RGS6: variants seen among roughly 807,000 people sequenced by gnomAD.
RGS6 encodes the protein regulator of G protein signaling 6.
A neutral mutation model predicts 78.5 loss-of-function variants in RGS6; 30 were observed. That is an observed-to-expected ratio of 0.38 (90% CI 0.29 to 0.52). The LOEUF (loss-of-function observed/expected upper bound fraction) is 0.52, where lower values mean the gene tolerates loss of function less well. RGS6 is among the 20% of genes least tolerant of loss of function. The probability of loss-of-function intolerance (pLI) is 0.85; values close to 1 mark genes in which losing one functional copy is unlikely to be tolerated. For missense variants in RGS6, 495 were observed against 609.7 expected (o/e 0.81, Z 1.98); for synonymous variants, 206 against 206.0 (o/e 1.00, Z 0.00).
At chr14:71,872,539 T>C in the RGS6 span, among the ~76,000 whole-genome samples, 5 of 152,230 alleles carry the variant, frequency 3.3e-5, no homozygotes, top group African/African-American at 1.2e-4. Context: ...TTAAATCTAA[T>C]ACTCCAACTG....
the RGS6 span, among the ~76,000 whole-genome samples, chr14:71,898,365 G>C: frequency 6.6e-6 from 1 of 152,110 alleles, no homozygotes; most frequent in Non-Finnish European, 1.5e-5. Context: ...ATTGTTTGTT[G>C]GTCCTGGTGT....
intron 2 of RGS6, among the ~76,000 whole-genome samples, chr14:72,187,669 G>A (rs2097265423): frequency 6.6e-6 from 1 of 152,066 alleles, no homozygotes; most frequent in Non-Finnish European, 1.5e-5. Flanking sequence ...CACATCTCTG[G>A]CTCCAGCTCT....
At chr14:72,341,997 C>T (rs942047825) in intron 2 of RGS6, among the ~76,000 whole-genome samples, 4 of 152,124 alleles carry the variant, frequency 2.6e-5, no homozygotes, top group Admixed American at 2.6e-4. Context: ...AGGTTATTGA[C>T]CTCTCTGCCG....
intron 2 of RGS6, among the ~76,000 whole-genome samples, chr14:72,035,297 A>G (rs905141572): frequency 2.1e-5 from 1 of 48,056 alleles, no homozygotes; most frequent in African/African-American, 6.6e-5. Context: ...TATTCATAGC[A>G]ATATATTATA....
At chr14:72,614,771 G>A in the RGS6 span, among the ~76,000 whole-genome samples, 8 of 27,590 alleles carry the variant, frequency 2.9e-4, no homozygotes, top group Admixed American at 2.2e-3. Flanking sequence ...AGGATCACAA[G>A]CCTCAGAAAA....
the RGS6 span, among the ~76,000 whole-genome samples, chr14:71,876,092 G>C: frequency 1.3e-5 from 2 of 152,162 alleles, no homozygotes; most frequent in African/African-American, 4.8e-5. Context: ...GAATAAGTAC[G>C]ATGTGGTGCT....
chr14:72,011,779 G>C (rs74897976), intron 2 of RGS6, among the ~76,000 whole-genome samples: 5 of 152,066 alleles, frequency 3.3e-5, no homozygotes, highest in South Asian at 4.2e-4. Context: ...GGTATCCTCT[G>C]GGGGGGTACT....
the RGS6 span, among the ~76,000 whole-genome samples, chr14:71,883,980 C>G: frequency 7.2e-5 from 11 of 152,194 alleles, no homozygotes; most frequent in Admixed American, 4.6e-4. Context: ...GTCCAGCAGC[C>G]CAAGCTGGTG....
At chr14:72,275,148 G>A (rs2060491295) in intron 2 of RGS6, among the ~76,000 whole-genome samples, 1 of 152,028 alleles carries the variant, frequency 6.6e-6, no homozygotes, top group Admixed American at 6.5e-5. Context: ...CATTTGTCTT[G>A]TATGATAGTT....
chr14:71,936,030 A>ATATATATATATATATATG (rs1555390437), intron 1 of RGS6, among the ~76,000 whole-genome samples: 24 of 133,214 alleles, frequency 1.8e-4, no homozygotes, highest in African/African-American at 6.4e-4. Flanking sequence ...ATATATATAT[A>ATATATATATATATATATG]TATATATATA....
intron 3 of RGS6, among the ~76,000 whole-genome samples, chr14:72,392,715 G>A (rs2152953901): frequency 6.6e-6 from 1 of 152,274 alleles, no homozygotes; most frequent in East Asian, 1.9e-4. Context: ...GGGAGGGGGA[G>A]CCTCTCCAAG....
At chr14:72,130,225 G>A (rs1470664670) in intron 2 of RGS6, among the ~76,000 whole-genome samples, 1 of 152,166 alleles carries the variant, frequency 6.6e-6, no homozygotes, top group East Asian at 1.9e-4. Context: ...CTTGAGTGCA[G>A]GAACTTCTGT....
chr14:72,194,199 C>T lies in RGS6; in HGVS notation c.85-157896C>T, dbSNP rs191665399. On this transcript the variant is annotated intron_variant, in intron 2 of 17. Coordinates refer to ENST00000553525, the MANE Select transcript of RGS6 (RefSeq NM_001204424.2). The stretch of plus-strand genomic sequence containing the variant: ...AGTTCATTCACCATTGTTGCTGTAC[C>T]AGTTGTGGGCTAGGAAAGAAAGCAG... Among the ~76,000 whole-genome samples the T allele has an allele frequency of 3.9e-5, 6 of 152,088 alleles. No homozygotes were observed. The East Asian group carries it at 1.2e-3, about 29-fold the overall frequency.
chr14:72,463,727 A>C (rs1005887303), intron 6 of RGS6, among the ~76,000 whole-genome samples: 1 of 152,242 alleles, frequency 6.6e-6, no homozygotes, highest in Non-Finnish European at 1.5e-5. Context: ...GCACTGCTCA[A>C]AGGTAATCAT....
At chr14:72,077,767 A>G (rs182575193) in intron 2 of RGS6, among the ~76,000 whole-genome samples, 272 of 152,308 alleles carry the variant, frequency 1.8e-3, no homozygotes, top group African/African-American at 6.1e-3. Flanking sequence ...TTTCAAATCA[A>G]TGTTAAACAT....
the RGS6 span, among the ~76,000 whole-genome samples, chr14:71,870,573 C>T: frequency 6.6e-6 from 1 of 152,168 alleles, no homozygotes; most frequent in Non-Finnish European, 1.5e-5. Flanking sequence ...GAGGCGTTTC[C>T]ACAGTGATAC....
At chr14:72,297,172 G>A (rs1054703577) in intron 2 of RGS6, among the ~76,000 whole-genome samples, 7 of 151,870 alleles carry the variant, frequency 4.6e-5, no homozygotes, top group South Asian at 4.2e-4. Context: ...CTCTTGATTT[G>A]TATGTTTATA....
At chr14:72,184,678 T>C (rs1229023306) in intron 2 of RGS6, among the ~76,000 whole-genome samples, 2 of 152,184 alleles carry the variant, frequency 1.3e-5, no homozygotes, top group East Asian at 3.9e-4. Context: ...GTGTCTCTTA[T>C]GGAATAGATG....
At chr14:72,099,654 C>T (rs1484907306) in intron 2 of RGS6, among the ~76,000 whole-genome samples, 2 of 152,146 alleles carry the variant, frequency 1.3e-5, no homozygotes, top group African/African-American at 4.8e-5. Flanking sequence ...CATTCTTACC[C>T]TAGAAAAAGC....
Sources: gnomAD v4.1 joint callset for allele counts (sites outside exome capture counted in the v4.1 genomes callset) on GRCh38, gnomAD v4.1.1 for gene constraint, MANE v1.5 for transcripts, NCBI Gene and HGNC (gene_info 2026-07-23, HGNC 2026-07-21) for gene names.